Variants in TCP11L2 observed in about 807,000 individuals in gnomAD.
TCP11L2 encodes t-complex 11 like 2.
In TCP11L2, 39 loss-of-function variants were observed where a neutral mutation model predicts 50.7. The observed-to-expected ratio is 0.77, with a 90% CI of 0.60 to 1.01. The LOEUF is 1.01. TCP11L2 is among the 50% of genes least tolerant of loss of function. The pLI, the probability that TCP11L2 is intolerant of heterozygous loss-of-function variation, is 0.00. For synonymous variants in TCP11L2, 192 were observed against 219.3 expected (o/e 0.88, Z 1.10); for missense variants, 612 against 614.7 (o/e 1.00, Z 0.05).
chr12:106,312,108 G>A (rs941289891), intron 2 of TCP11L2, among the ~76,000 whole-genome samples: 1 of 152,134 alleles, frequency 6.6e-6, no homozygotes, highest in African/African-American at 2.4e-5. Flanking sequence ...GTGTATATGT[G>A]TGTGGACTCT....
intron 4 of TCP11L2, among the ~76,000 whole-genome samples, chr12:106,318,770 G>A (rs1452318829): frequency 6.6e-6 from 1 of 152,148 alleles, no homozygotes; most frequent in Non-Finnish European, 1.5e-5. Flanking sequence ...GAGTGCGGTG[G>A]CACAATCTCG....
intron 2 of TCP11L2, among the ~76,000 whole-genome samples, 183 bp downstream of exon 2, chr12:106,311,415 A>C (rs2034850496): frequency 6.6e-6 from 1 of 152,184 alleles, no homozygotes; most frequent in African/African-American, 2.4e-5. Context: ...ACTAAAGTTT[A>C]CAACCTGCTG....
intron 6 of TCP11L2, chr12:106,329,951 T>C (rs1163470875): frequency 1.0e-6 from 1 of 985,594 alleles, no homozygotes; most frequent in Non-Finnish European, 1.2e-6. Flanking sequence ...ACAGAACTAC[T>C]CATAAATTAT....
At chr12:106,319,474 A>T (rs2035256196) in intron 4 of TCP11L2, among the ~76,000 whole-genome samples, 1 of 152,214 alleles carries the variant, frequency 6.6e-6, no homozygotes, top group African/African-American at 2.4e-5. Flanking sequence ...CACCTCCTGG[A>T]GTAGCGTGAA....
upstream of TCP11L2, among the ~76,000 whole-genome samples, chr12:106,300,619 C>T (rs1448807312): frequency 1.3e-5 from 2 of 152,220 alleles, no homozygotes; most frequent in Non-Finnish European, 2.9e-5. Flanking sequence ...CATGAGCCAC[C>T]GTGCCTGGCC....
intron 2 of TCP11L2, chr12:106,312,426 C>G: frequency 8.2e-7 from 1 of 1,215,496 alleles, no homozygotes; most frequent in Non-Finnish European, 1.0e-6. Flanking sequence ...TTAACAGCAG[C>G]CACCCCAGGT....
In TCP11L2 at chr12:106,336,143, G is replaced by A. The variant is rs1315043750; in HGVS notation, c.1072G>A (p.Gly358Arg). The A allele has an allele frequency of 6.2e-7, 1 of 1,613,754 alleles. No homozygotes were observed. Among genetic ancestry groups the A allele is most frequent in the Non-Finnish European group, 8.5e-7 (1 of 1,179,962 alleles). The change falls in exon 8 of 10, where the codon GGA becomes AGA. Residue 358 changes from glycine (G) to arginine (R), a missense_variant. Coordinates refer to ENST00000299045, the MANE Select transcript of TCP11L2 (RefSeq NM_152772.3). ...CAACAACATGGTGGGTGCTATTACA[G>A]GAGGCCTGCCTGAGCTTGCAAGCAG... ...ITNNMVGAITGGLPELASRLT... is the reference protein window; with the variant it reads ...ITNNMVGAITRGLPELASRLT...
intron 5 of TCP11L2, among the ~76,000 whole-genome samples, chr12:106,322,928 C>T (rs1169553007): frequency 1.3e-5 from 2 of 152,168 alleles, no homozygotes; most frequent in Non-Finnish European, 2.9e-5. Flanking sequence ...ATTTGTTGAG[C>T]GCCCACTGGG....
At chr12:106,315,191 G>A (rs541762822) in intron 3 of TCP11L2, among the ~76,000 whole-genome samples, 4 of 151,934 alleles carry the variant, frequency 2.6e-5, no homozygotes, top group East Asian at 1.9e-4. Flanking sequence ...AGCCGAGATC[G>A]CACCACTGCA....
intron 4 of TCP11L2, among the ~76,000 whole-genome samples, chr12:106,320,257 A>G (rs1224989731): frequency 6.6e-6 from 1 of 152,054 alleles, no homozygotes; most frequent in Non-Finnish European, 1.5e-5. Flanking sequence ...AATTAGCTGG[A>G]TGTGGTGGTG....
rs1391306138 is a variant in TCP11L2 at position 106,313,581 on chromosome 12, A to AT, written c.158-777_158-776insT. On this transcript the variant is annotated intron_variant, in intron 2 of 9. Transcript: ENST00000299045. Reference sequence around the variant, plus strand: ...GCAACAGAGTGAGACTCCATCTCAAAAAAATAAATAAATAAATAAATAAAT... The same window carrying AT: ...GCAACAGAGTGAGACTCCATCTCAAATAAAATAAATAAATAAATAAATAAAT... Among the ~76,000 whole-genome samples the AT allele has an allele frequency of 1.8e-4, 23 of 124,704 alleles. No homozygotes were observed. In the South Asian group the frequency reaches 1.9e-3, roughly 10 times the overall value. The allele number at this position is 124,704 out of a possible 152,430, so 81.8% of individuals were successfully genotyped here. A position where few individuals can be genotyped will look rare whatever the true frequency, so the allele number is the denominator to read the frequency against.
intron 4 of TCP11L2, among the ~76,000 whole-genome samples, chr12:106,321,143 A>G (rs1296207551): frequency 1.3e-5 from 2 of 152,176 alleles, no homozygotes; most frequent in Admixed American, 6.5e-5. Flanking sequence ...GTTTCATTAT[A>G]TATCATTTCA....
At chr12:106,344,379 C>A (rs1459588762) in intron 9 of TCP11L2, among the ~76,000 whole-genome samples, 1 of 152,166 alleles carries the variant, frequency 6.6e-6, no homozygotes, top group Admixed American at 6.5e-5. Context: ...CTCAGAGAGT[C>A]CACTGTCCAA....
chr12:106,333,695 TAAAC>T (rs2035818885), intron 6 of TCP11L2, among the ~76,000 whole-genome samples: 1 of 152,094 alleles, frequency 6.6e-6, no homozygotes, highest in Non-Finnish European at 1.5e-5. Context: ...AAAGTAAAGG[TAAAC>T]AAATACTAAA....
intron 9 of TCP11L2, among the ~76,000 whole-genome samples, chr12:106,342,983 C>T (rs565453646): frequency 1.3e-5 from 2 of 152,332 alleles, no homozygotes; most frequent in East Asian, 3.9e-4. Context: ...CAGCTTTCCC[C>T]AGTCCAACTT....
At chr12:106,311,383 G>C in intron 2 of TCP11L2, 151 bp downstream of exon 2, 1 of 856,790 alleles carries the variant, frequency 1.2e-6, no homozygotes, top group South Asian at 2.0e-5. Flanking sequence ...CAGCTTTCCG[G>C]GACACATTCT....
At chr12:106,302,649 G>T (rs1213538040), upstream of TCP11L2, among the ~76,000 whole-genome samples, 2 of 151,710 alleles carry the variant, frequency 1.3e-5, no homozygotes, top group African/African-American at 4.8e-5. Context: ...TCTCTAATAG[G>T]TTCAGTCTGT....
In TCP11L2 at chr12:106,323,497, C is replaced by G. The variant is rs368148424; in HGVS notation, c.636-13C>G. 2.0e-6 allele frequency: 3 copies of G among 1,529,698 alleles called. No individual in the cohort carries two copies. The highest frequency in any genetic ancestry group is 2.8e-5 in the African/African-American group (2 of 71,498). The allele number at this position is 1,529,698 out of a possible 1,614,324, so 94.8% of individuals were successfully genotyped here. A position where few individuals can be genotyped will look rare whatever the true frequency, so the allele number is the denominator to read the frequency against. The stretch of plus-strand genomic sequence containing the variant: ...TCTTAATCATCTCTCTATTTTAATT[C>G]TAAAATTTTTAGACAAATATTCCAT... On this transcript the variant is annotated splice_polypyrimidine_tract_variant and intron_variant, in intron 5 of 9. Transcript: ENST00000299045.
At chr12:106,339,592 G>A (rs749171570) in intron 8 of TCP11L2, among the ~76,000 whole-genome samples, 1 of 152,134 alleles carries the variant, frequency 6.6e-6, no homozygotes, top group Non-Finnish European at 1.5e-5. Context: ...TTCCTTTAGG[G>A]TTTTTAAAGG....
Sources: allele counts gnomAD v4.1 joint callset (sites outside exome capture counted in the v4.1 genomes callset), GRCh38; gene constraint gnomAD v4.1.1; transcripts MANE v1.5; gene names NCBI Gene and HGNC (gene_info 2026-07-23, HGNC 2026-07-21).